Variants in EMSY observed in about 807,000 individuals in gnomAD.
EMSY encodes the protein EMSY transcriptional repressor, BRCA2 interacting, also known as BRCA2-interacting transcriptional repressor EMSY.
EMSY carries 26 observed loss-of-function variants against 134.6 expected under a neutral mutation model. That is an observed-to-expected ratio of 0.19 (90% CI 0.14 to 0.27). The LOEUF (loss-of-function observed/expected upper bound fraction) is 0.27, where lower values mean the gene tolerates loss of function less well. EMSY is among the 10% of genes least tolerant of loss of function. The pLI is 1.00. For missense variants in EMSY, 1,305 were observed against 1,611.4 expected (o/e 0.81, Z 3.26); for synonymous variants, 579 against 577.8 (o/e 1.00, Z -0.03).
chr11:76,452,182 G>A (rs957878306), intron 3 of EMSY, among the ~76,000 whole-genome samples: 3 of 152,184 alleles, frequency 2.0e-5, no homozygotes, highest in Admixed American at 6.5e-5. Flanking sequence ...AATGAAGAGC[G>A]TGCAAACTCT....
chr11:76,446,868 G>T, intron 1 of EMSY, 32 bp from the exon 2 acceptor site: 1 of 1,475,202 alleles, frequency 6.8e-7, no homozygotes, highest in Non-Finnish European at 9.3e-7. Context: ...TTGGTACTTT[G>T]GTAATTTGAC....
At chr11:76,499,626 C>A (rs1246885808) in intron 9 of EMSY, among the ~76,000 whole-genome samples, 1 of 152,108 alleles carries the variant, frequency 6.6e-6, no homozygotes, top group African/African-American at 2.4e-5. Flanking sequence ...AGATCATTTA[C>A]ATTTAAGGTA....
exon 14 of EMSY, chr11:76,528,333 A>G: frequency 2.5e-6 from 4 of 1,613,730 alleles, no homozygotes; most frequent in East Asian, 2.2e-5. Flanking sequence ...CAAGACAGCT[A>G]GTAACAGAAA....
exon 15 of EMSY, chr11:76,535,960 A>T (rs1240952327): frequency 6.2e-7 from 1 of 1,605,040 alleles, no homozygotes; most frequent in Non-Finnish European, 8.5e-7. Flanking sequence ...TGAGATTGCA[A>T]TGGAGACTAG....
chr11:76,532,350 T>C (rs1447151041), intron 14 of EMSY, among the ~76,000 whole-genome samples: 2 of 150,452 alleles, frequency 1.3e-5, no homozygotes, highest in East Asian at 2.0e-4. Flanking sequence ...GAGTCCAAAA[T>C]GTTTTTTTTT....
intron 15 of EMSY, among the ~76,000 whole-genome samples, chr11:76,537,156 A>G (rs1446635578): frequency 1.3e-5 from 2 of 152,228 alleles, no homozygotes; most frequent in East Asian, 3.8e-4. Flanking sequence ...CTTTGAACGC[A>G]TAGATTTTGT....
At chr11:76,454,631 A>T in intron 4 of EMSY, 118 bp from the exon 5 acceptor site, 1 of 579,688 alleles carries the variant, frequency 1.7e-6, no homozygotes, top group Non-Finnish European at 2.9e-6. Context: ...GAAACAAATT[A>T]GTATTGTAGA....
chr11:76,493,437 G>A (rs1169383538), intron 8 of EMSY, among the ~76,000 whole-genome samples: 1 of 152,226 alleles, frequency 6.6e-6, no homozygotes, highest in African/African-American at 2.4e-5. Context: ...ACCAGGGATG[G>A]CCTGAAGCAT....
At chr11:76,548,607 A>G (rs1462779819) in intron 20 of EMSY, among the ~76,000 whole-genome samples, 1 of 152,220 alleles carries the variant, frequency 6.6e-6, no homozygotes, top group African/African-American at 2.4e-5. Flanking sequence ...AGAGTGACTT[A>G]CTCAGAGGCC....
chr11:76,534,364 G>T (rs1234404033), intron 14 of EMSY, among the ~76,000 whole-genome samples: 1 of 152,100 alleles, frequency 6.6e-6, no homozygotes, highest in East Asian at 1.9e-4. Flanking sequence ...TGCTTCACAT[G>T]GCATTTGGTA....
At chr11:76,479,118 A>G (rs896163625) in intron 8 of EMSY, among the ~76,000 whole-genome samples, 49 of 152,132 alleles carry the variant, frequency 3.2e-4, no homozygotes, top group African/African-American at 1.1e-3. Context: ...GGCAGAGGGA[A>G]TAATTTTGGC....
chr11:76,537,813 C>A (rs2136581758), exon 16 of EMSY: 2 of 1,600,846 alleles, frequency 1.2e-6, no homozygotes, highest in East Asian at 4.5e-5. Flanking sequence ...AAATTGGAAT[C>A]TAAACCAAGA....
chr11:76,466,063 T>C (rs1405357679), intron 7 of EMSY, among the ~76,000 whole-genome samples: 1 of 152,218 alleles, frequency 6.6e-6, no homozygotes, highest in Admixed American at 6.5e-5. Context: ...TCACCATTCA[T>C]GATATATATA....
chr11:76,518,167 C>CTTTT (rs35911259), intron 11 of EMSY, among the ~76,000 whole-genome samples: 15 of 119,506 alleles, frequency 1.3e-4, no homozygotes, highest in East Asian at 4.9e-4. Flanking sequence ...GAAGTACTTT[C>CTTTT]TTTTTTTTTT....
At chr11:76,550,869 C>T (rs1951817321) in exon 21 of EMSY, 2 of 152,518 alleles carry the variant, frequency 1.3e-5, no homozygotes, top group South Asian at 4.1e-4. Context: ...TTCTTGTAAA[C>T]CAGGATTGCC....
At chr11:76,506,711 A>G (rs1313499639) in intron 9 of EMSY, among the ~76,000 whole-genome samples, 1 of 152,226 alleles carries the variant, frequency 6.6e-6, no homozygotes, top group South Asian at 2.1e-4. Flanking sequence ...GCTTGAAAAT[A>G]TACTGGTGGG....
At chr11:76,493,003 G>A (rs990883710) in intron 8 of EMSY, among the ~76,000 whole-genome samples, 4 of 151,806 alleles carry the variant, frequency 2.6e-5, no homozygotes, top group African/African-American at 2.4e-5. Context: ...GGAGCTACCC[G>A]CTGTGGGTCT....
chr11:76,463,779 T>G, intron 6 of EMSY, 42 bp from the exon 8 acceptor site: 47 of 1,595,908 alleles, frequency 2.9e-5, no homozygotes, highest in Non-Finnish European at 4.0e-5. Flanking sequence ...TAATGCAAGA[T>G]TAGTTTGGTA....
intron 14 of EMSY, among the ~76,000 whole-genome samples, chr11:76,532,350 TG>T (rs1223850953): frequency 5.3e-5 from 8 of 150,452 alleles, no homozygotes; most frequent in Admixed American, 1.3e-4. Flanking sequence ...GAGTCCAAAA[TG>T]TTTTTTTTTT....
Sources: allele counts gnomAD v4.1 joint callset (sites outside exome capture counted in the v4.1 genomes callset), GRCh38; gene constraint gnomAD v4.1.1; transcripts MANE v1.5; gene names NCBI Gene and HGNC (gene_info 2026-07-23, HGNC 2026-07-21).